The following PKD2 variants were observed in gnomAD, a reference collection of about 807,000 sequenced individuals.
PKD2 encodes the protein polycystin-2.
Under a neutral mutation model 105.9 loss-of-function variants are expected in PKD2, and 48 were observed. The ratio of observed to expected loss-of-function variants is 0.45; its 90% CI spans 0.36 to 0.58. The LOEUF is 0.58. Among genes scored for constraint, PKD2 ranks in the 20% least tolerant of loss-of-function variants. The probability of loss-of-function intolerance (pLI) is 0.00; values close to 1 mark genes in which losing one functional copy is unlikely to be tolerated. For synonymous variants in PKD2, 464 were observed against 481.1 expected (o/e 0.96, Z 0.46); for missense variants, 1,078 against 1,255.3 (o/e 0.86, Z 2.13).
chr4:88,063,050 A>G (rs918030715), intron 10 of PKD2, among the ~76,000 whole-genome samples: 3 of 152,354 alleles, frequency 2.0e-5, no homozygotes, highest in Admixed American at 2.0e-4. Flanking sequence ...CTCCACTGCT[A>G]GCTCTTCAGT....
chr4:88,067,996 T>C lies in PKD2; in HGVS notation c.2457T>C (p.Asp819=), dbSNP rs1218316990. Residue 819 remains aspartate, a synonymous_variant, in exon 13 of 15, where the codon GAT becomes GAC. Coordinates refer to ENST00000237596, the MANE Select transcript of PKD2 (RefSeq NM_000297.4). The part of the protein sequence containing the change: ...LDDSEEDDDE[D]SGHSSRRRGS... ...ACTCTGAGGAGGATGACGATGAAGA[T>C]AGCGGACATAGCTCCAGAAGGAGGG... 5 of 1,614,046 alleles carry C rather than the reference T, an allele frequency of 3.1e-6. No individual in the cohort carries two copies. In the East Asian group the frequency reaches 1.1e-4, roughly 36 times the overall value.
Position 88,038,824 on chromosome 4 carries a change from A to T in PKD2, c.1094+323A>T, listed in dbSNP as rs370277175. Among the ~76,000 whole-genome samples the T allele has an allele frequency of 1.1e-4, 17 of 152,300 alleles. No homozygotes were observed. The South Asian group carries it at 3.5e-3, about 32-fold the overall frequency. ...GCCCTGTTTTTACAGGTGCAGTAACATCATCCACTAAGTTATTTAACACAA... is the reference window on the plus strand; with the variant it reads ...GCCCTGTTTTTACAGGTGCAGTAACTTCATCCACTAAGTTATTTAACACAA... On this transcript the variant is annotated intron_variant, in intron 4 of 14. Transcript: ENST00000237596.
At chr4:88,063,984 G>A (rs549533149) in intron 10 of PKD2, among the ~76,000 whole-genome samples, 13 of 152,104 alleles carry the variant, frequency 8.5e-5, no homozygotes, top group Non-Finnish European at 1.2e-4. Flanking sequence ...ATGAAACCCC[G>A]TCTCTATTAA....
chr4:88,018,421 G>C (rs1726634496), intron 1 of PKD2, among the ~76,000 whole-genome samples: 1 of 152,184 alleles, frequency 6.6e-6, no homozygotes, highest in South Asian at 2.1e-4. Flanking sequence ...AAGTGGCTGT[G>C]TGAGTTTCCA....
chr4:88,070,133 A>T (rs184709525), intron 13 of PKD2, among the ~76,000 whole-genome samples: 103 of 152,070 alleles, frequency 6.8e-4, no homozygotes, highest in African/African-American at 2.4e-3. Context: ...TTTTTTGTTT[A>T]TCTGAGAATG....
intron 12 of PKD2, among the ~76,000 whole-genome samples, chr4:88,066,407 G>T (rs1167199982): frequency 6.7e-6 from 1 of 150,018 alleles, no homozygotes; most frequent in Non-Finnish European, 1.5e-5. Context: ...TGCCTCCCAG[G>T]CTGGAGTGCA....
At chr4:88,049,899 A>T (rs1719981475) in intron 6 of PKD2, among the ~76,000 whole-genome samples, 1 of 152,172 alleles carries the variant, frequency 6.6e-6, no homozygotes, top group Non-Finnish European at 1.5e-5. Context: ...AATTACTTGA[A>T]AAAAAGAAGA....
chr4:88,026,339 T>C (rs994320932), intron 2 of PKD2, among the ~76,000 whole-genome samples: 5 of 152,188 alleles, frequency 3.3e-5, no homozygotes, highest in Non-Finnish European at 5.9e-5. Context: ...GCAGCATTTT[T>C]CCCCTGCCCT....
chr4:88,056,148 T>C lies in PKD2; in HGVS notation c.1779T>C (p.Cys593=). 6.2e-7 allele frequency: 1 copy of C among 1,613,230 alleles called. No homozygotes were observed. Among genetic ancestry groups the C allele is most frequent in the Non-Finnish European group, 8.5e-7 (1 of 1,179,146 alleles). Residue 593 remains cysteine (C), a synonymous_variant, in exon 8 of 15, where the codon TGT becomes TGC. Coordinates refer to ENST00000237596, the MANE Select transcript of PKD2 (RefSeq NM_000297.4). ...MSQLSTTMSR[C]AKDLFGFAIM... ...AGCTCTCGACAACCATGTCTCGATG[T>C]GCCAAAGACCTGTTTGGCTTTGCTA... is the stretch of plus-strand genomic sequence containing the variant.
At chr4:88,022,594 G>A (rs1240452832) in intron 2 of PKD2, among the ~76,000 whole-genome samples, 1 of 152,166 alleles carries the variant, frequency 6.6e-6, no homozygotes, top group African/African-American at 2.4e-5. Context: ...TAGTGACTGA[G>A]TCCTTTCCCT....
chr4:88,008,285 G>T lies in PKD2; in HGVS notation c.552G>T (p.Pro184=). The T allele has an allele frequency of 6.8e-7, 1 of 1,481,364 alleles. No homozygotes were observed. The allele number at this position is 1,481,364 out of a possible 1,614,324, so 91.8% of individuals were successfully genotyped here. ...LHRHLPLEGQ[P]PRVAWAERLV... ...GCCACCTCCCCCTGGAAGGGCAGCC[G>T]CCCCGAGTGGCCTGGGCGGAGAGGC... is the stretch of plus-strand genomic sequence containing the variant. The change falls in exon 1 of 15, where the codon CCG becomes CCT. Residue 184 remains proline (P), a synonymous_variant. Transcript: ENST00000237596.
intron 13 of PKD2, among the ~76,000 whole-genome samples, chr4:88,068,600 A>G (rs976681010): frequency 2.0e-5 from 3 of 152,214 alleles, no homozygotes; most frequent in Non-Finnish European, 2.9e-5. Flanking sequence ...GTTTATTAAT[A>G]TATCAGTGTT....
intron 13 of PKD2, among the ~76,000 whole-genome samples, chr4:88,068,868 G>A (rs991940832): frequency 1.3e-5 from 2 of 152,138 alleles, no homozygotes; most frequent in African/African-American, 4.8e-5. Context: ...ATTATTAGTT[G>A]GAGTTCATCC....
intron 1 of PKD2, 97 bp downstream of exon 1, chr4:88,008,425 T>TCGCATCCCCTCTGCGTTC: frequency 7.1e-7 from 1 of 1,399,124 alleles, no homozygotes; most frequent in Admixed American, 2.6e-5. Context: ...GGGCTCCATC[T>TCGCATCCCCTCTGCGTTC]CGCATCCCCT....
intron 7 of PKD2, among the ~76,000 whole-genome samples, chr4:88,052,553 A>G (rs1278937330): frequency 6.6e-6 from 1 of 152,182 alleles, no homozygotes; most frequent in East Asian, 1.9e-4. Flanking sequence ...TACAGGCATG[A>G]GCCACCGTGC....
intron 2 of PKD2, among the ~76,000 whole-genome samples, chr4:88,025,812 T>C (rs1242499218): frequency 6.6e-6 from 1 of 152,142 alleles, no homozygotes; most frequent in Non-Finnish European, 1.5e-5. Flanking sequence ...GAGTGAGTTC[T>C]CATGAAATCT....
rs370814206 is a variant in PKD2 at position 88,034,750 on chromosome 4, ATAAT to A, written c.710-1468_710-1465del. On this transcript the variant is annotated intron_variant, in intron 2 of 14. Transcript: ENST00000237596. ...TTACTAAATAGTACTTAATCCCAAA[ATAAT>A]TTCTATAGGTTTGAATATGATCCCT... 6.2e-3 allele frequency among the ~76,000 whole-genome samples: 938 copies of A among 152,186 alleles called. 15 individuals carry two copies. The highest frequency in any genetic ancestry group is 0.021 in the African/African-American group (890 of 41,524).
intron 13 of PKD2, among the ~76,000 whole-genome samples, chr4:88,068,792 G>T (rs868516745): frequency 5.9e-5 from 9 of 152,130 alleles, no homozygotes; most frequent in South Asian, 2.1e-4. Flanking sequence ...CCCATTTCCT[G>T]GTTGATCTTA....
At chr4:88,036,005 C>G in intron 2 of PKD2, 1 of 664,010 alleles carries the variant, frequency 1.5e-6, no homozygotes, top group Non-Finnish European at 2.6e-6. Flanking sequence ...TTCCCATAAG[C>G]CAATATTAAT....
Sources: allele counts gnomAD v4.1 joint callset (sites outside exome capture counted in the v4.1 genomes callset), GRCh38; gene constraint gnomAD v4.1.1; transcripts MANE v1.5; gene names NCBI Gene and HGNC (gene_info 2026-07-23, HGNC 2026-07-21).